Variants in FHIT observed in about 807,000 individuals in gnomAD.
FHIT encodes fragile histidine triad diadenosine triphosphatase.
FHIT carries 19 observed loss-of-function variants against 17.9 expected under a neutral mutation model. The observed-to-expected ratio is 1.06, with a 90% CI of 0.74 to 1.56. The LOEUF is 1.56. Among genes scored for constraint, FHIT ranks in the 40% most tolerant of loss-of-function variants. FHIT has a pLI of 0.00. For missense variants in FHIT, 248 were observed against 189.2 expected (o/e 1.31, Z -1.82); for synonymous variants, 81 against 69.7 (o/e 1.16, Z -0.81).
In FHIT at chr3:60,898,839, G is replaced by C. The variant is rs140078368; in HGVS notation, c.-110-76828C>G. Among the ~76,000 whole-genome samples the C allele has an allele frequency of 1.7e-4, 26 of 152,240 alleles. 2 individuals are homozygous for C. In the East Asian group the frequency reaches 5.0e-3, roughly 29 times the overall value. ...TCCCATACGGGAAGCATAGACCTAA[G>C]AAATTTATGGAAAGGAATTTATGGG... On this transcript the variant is annotated intron_variant, in intron 3 of 9. Transcript: ENST00000492590.
chr3:59,924,089 C>G (rs945377614), intron 7 of FHIT, among the ~76,000 whole-genome samples: 3 of 152,080 alleles, frequency 2.0e-5, no homozygotes, highest in Non-Finnish European at 4.4e-5. Flanking sequence ...CCCATGAAAC[C>G]AAATTCTTAG....
chr3:60,767,249 T>A (rs535005133), intron 4 of FHIT, among the ~76,000 whole-genome samples: 2 of 152,328 alleles, frequency 1.3e-5, no homozygotes, highest in South Asian at 4.1e-4. Flanking sequence ...GTTGTCTTAA[T>A]GGAGATTATA....
chr3:60,805,552 T>TTTTA (rs1476540947), intron 4 of FHIT, among the ~76,000 whole-genome samples: 73 of 152,106 alleles, frequency 4.8e-4, no homozygotes, highest in African/African-American at 9.4e-4. Context: ...TTTATTTTTA[T>TTTTA]TTTATTTATT....
At chr3:59,861,029 G>T (rs1702380732) in intron 8 of FHIT, among the ~76,000 whole-genome samples, 1 of 152,114 alleles carries the variant, frequency 6.6e-6, no homozygotes, top group Non-Finnish European at 1.5e-5. Context: ...GATGGACAAA[G>T]CTCTGTGGAG....
chr3:59,972,477 G>C (rs1365720561), intron 7 of FHIT, among the ~76,000 whole-genome samples: 1 of 152,086 alleles, frequency 6.6e-6, no homozygotes, highest in African/African-American at 2.4e-5. Context: ...CTATGGGTCA[G>C]GGTTGATATT....
chr3:60,301,519 C>T (rs116808348), intron 5 of FHIT, among the ~76,000 whole-genome samples: 1,858 of 152,272 alleles, frequency 0.012, 38 homozygotes, highest in African/African-American at 0.041. Context: ...TCAATTCTGA[C>T]CCAGATCTAC....
At chr3:61,079,464 G>C (rs2035067286) in intron 2 of FHIT, among the ~76,000 whole-genome samples, 1 of 152,190 alleles carries the variant, frequency 6.6e-6, no homozygotes, top group East Asian at 1.9e-4. Flanking sequence ...AAAGAACTTT[G>C]TTTGATGGAC....
intron 5 of FHIT, among the ~76,000 whole-genome samples, chr3:60,023,230 G>C (rs746926110): frequency 3.9e-5 from 6 of 152,190 alleles, no homozygotes; most frequent in Admixed American, 6.5e-5. Flanking sequence ...CAAAAACTCT[G>C]TAAAAAGCTT....
chr3:59,940,801 G>A (rs1706476202), intron 7 of FHIT, among the ~76,000 whole-genome samples: 1 of 152,168 alleles, frequency 6.6e-6, no homozygotes, highest in African/African-American at 2.4e-5. Context: ...AAACCTCTTA[G>A]CACCGCCCCT....
chr3:61,235,272 G>T (rs977331387), intron 1 of FHIT, among the ~76,000 whole-genome samples: 1 of 152,158 alleles, frequency 6.6e-6, no homozygotes, highest in Non-Finnish European at 1.5e-5. Context: ...CCAACTGGGT[G>T]TCCTTGAGCC....
intron 5 of FHIT, among the ~76,000 whole-genome samples, chr3:60,144,010 T>C (rs865994874): frequency 1.3e-5 from 2 of 152,162 alleles, no homozygotes; most frequent in South Asian, 2.1e-4. Flanking sequence ...AAGTAGCCCA[T>C]GTGTGGCCCT....
intron 3 of FHIT, among the ~76,000 whole-genome samples, chr3:61,040,541 A>G (rs753374784): frequency 6.6e-6 from 1 of 152,172 alleles, no homozygotes; most frequent in Non-Finnish European, 1.5e-5. Context: ...CTGTTTTTTA[A>G]AATACTCTAA....
chr3:61,027,563 C>A (rs1386731816), intron 3 of FHIT, among the ~76,000 whole-genome samples: 1 of 152,190 alleles, frequency 6.6e-6, no homozygotes, highest in Non-Finnish European at 1.5e-5. Flanking sequence ...GACTCAATAT[C>A]ATTTCGTTGA....
intron 2 of FHIT, among the ~76,000 whole-genome samples, chr3:61,086,987 T>A (rs898556793): frequency 6.6e-6 from 1 of 152,112 alleles, no homozygotes; most frequent in Non-Finnish European, 1.5e-5. Context: ...GTTCTTCTAA[T>A]CCCATTGGGT....
At chr3:60,088,054 A>G (rs985324944) in intron 5 of FHIT, among the ~76,000 whole-genome samples, 14 of 150,980 alleles carry the variant, frequency 9.3e-5, no homozygotes, top group African/African-American at 3.5e-4. Flanking sequence ...GCTTACACTC[A>G]TGGTGGAAGA....
intron 3 of FHIT, among the ~76,000 whole-genome samples, chr3:60,868,707 C>T (rs1297955491): frequency 1.3e-5 from 2 of 151,968 alleles, no homozygotes; most frequent in Non-Finnish European, 1.5e-5. Flanking sequence ...TGTTTCATAC[C>T]GACATTAACT....
chr3:61,155,260 G>C (rs2037502105), intron 2 of FHIT, among the ~76,000 whole-genome samples: 2 of 152,190 alleles, frequency 1.3e-5, no homozygotes, highest in Non-Finnish European at 2.9e-5. Flanking sequence ...CGCAGACACA[G>C]AGATTCAATG....
intron 3 of FHIT, among the ~76,000 whole-genome samples, chr3:60,961,746 T>C (rs1709459435): frequency 6.6e-6 from 1 of 152,160 alleles, no homozygotes; most frequent in Non-Finnish European, 1.5e-5. Flanking sequence ...TGTCGATGTG[T>C]GGTATTATTT....
intron 5 of FHIT, among the ~76,000 whole-genome samples, chr3:60,041,328 T>C (rs1242865522): frequency 6.6e-6 from 1 of 152,224 alleles, no homozygotes; most frequent in Non-Finnish European, 1.5e-5. Context: ...CAGAAGTACC[T>C]TCATCCTCCT....
Sources: gnomAD v4.1 joint callset for allele counts (sites outside exome capture counted in the v4.1 genomes callset) on GRCh38, gnomAD v4.1.1 for gene constraint, MANE v1.5 for transcripts, NCBI Gene and HGNC (gene_info 2026-07-23, HGNC 2026-07-21) for gene names.